Variants in RALYL observed in about 807,000 individuals in gnomAD.
The protein encoded by RALYL is RNA-binding Raly-like protein.
RALYL carries 29 observed loss-of-function variants against 35.1 expected under a neutral mutation model. The ratio of observed to expected loss-of-function variants is 0.83; its 90% CI spans 0.61 to 1.13. The LOEUF (loss-of-function observed/expected upper bound fraction) is 1.13. Ranked by LOEUF, RALYL falls within the 50% of genes most tolerant of loss-of-function variation. RALYL has a pLI of 0.00. For missense variants in RALYL, 359 were observed against 360.4 expected, an observed-to-expected ratio of 1.00 and a Z score of 0.03; for synonymous variants, 120 against 127.6, an observed-to-expected ratio of 0.94 and a Z score of 0.40.
intron 1 of RALYL, among the ~76,000 whole-genome samples, chr8:84,404,906 C>T (rs112099155): frequency 0.034 from 5,155 of 152,074 alleles, 291 homozygotes; most frequent in African/African-American, 0.12. Flanking sequence ...ATCAACAGAC[C>T]ATACATTCTT....
At chr8:84,319,344 G>A (rs942931426) in intron 1 of RALYL, among the ~76,000 whole-genome samples, 6 of 152,192 alleles carry the variant, frequency 3.9e-5, no homozygotes, top group African/African-American at 1.4e-4. Flanking sequence ...ATTTTTCAAA[G>A]AAAAGTTTCA....
intron 2 of RALYL, among the ~76,000 whole-genome samples, chr8:84,712,778 T>C (rs1168293716): frequency 1.3e-5 from 2 of 151,970 alleles, no homozygotes; most frequent in Admixed American, 1.3e-4. Context: ...TTAATTTGTA[T>C]CTGTTGATAA....
At chr8:84,881,856 G>A (rs1003356642) in intron 7 of RALYL, among the ~76,000 whole-genome samples, 3 of 151,774 alleles carry the variant, frequency 2.0e-5, no homozygotes, top group African/African-American at 7.2e-5. Context: ...TATTCCCTTG[G>A]TATGTCAAAT....
At chr8:84,675,104 A>G (rs1833942476) in intron 2 of RALYL, among the ~76,000 whole-genome samples, 1 of 152,194 alleles carries the variant, frequency 6.6e-6, no homozygotes. Flanking sequence ...ACCCATAACA[A>G]ATAAGATTTA....
intron 1 of RALYL, among the ~76,000 whole-genome samples, chr8:84,210,677 G>A (rs960117959): frequency 1.3e-5 from 2 of 152,242 alleles, no homozygotes; most frequent in South Asian, 4.1e-4. Context: ...GTAAGGTCAC[G>A]AGCCACGGAA....
chr8:84,276,548 A>G (rs1835417162), intron 1 of RALYL, among the ~76,000 whole-genome samples: 1 of 152,212 alleles, frequency 6.6e-6, no homozygotes, highest in Non-Finnish European at 1.5e-5. Context: ...AGCAAAGTTG[A>G]AAATAGGAGA....
intron 2 of RALYL, among the ~76,000 whole-genome samples, chr8:84,576,093 T>C (rs1465883179): frequency 2.0e-5 from 3 of 151,960 alleles, no homozygotes; most frequent in African/African-American, 7.3e-5. Context: ...AAAAGGAGAG[T>C]GTCACATATT....
intron 2 of RALYL, among the ~76,000 whole-genome samples, chr8:84,718,958 A>T (rs1270229876): frequency 6.6e-6 from 1 of 152,072 alleles, no homozygotes; most frequent in South Asian, 2.1e-4. Flanking sequence ...TCATTCATAC[A>T]TTATGTTGTT....
chr8:84,265,023 G>A (rs1833022386), intron 1 of RALYL, among the ~76,000 whole-genome samples: 1 of 152,182 alleles, frequency 6.6e-6, no homozygotes. Context: ...TTCTAGATTA[G>A]GGGGAACTGC....
At chr8:84,827,271 A>AG (rs927538143) in intron 4 of RALYL, among the ~76,000 whole-genome samples, 14 of 152,292 alleles carry the variant, frequency 9.2e-5, no homozygotes, top group Admixed American at 2.0e-4. Context: ...TCAGAATACA[A>AG]GAAAATATCC....
chr8:84,462,976 A>G (rs1456282764), intron 1 of RALYL, among the ~76,000 whole-genome samples: 1 of 151,916 alleles, frequency 6.6e-6, no homozygotes, highest in Non-Finnish European at 1.5e-5. Flanking sequence ...CCATTTTTAA[A>G]CAGATATTAG....
intron 6 of RALYL, among the ~76,000 whole-genome samples, chr8:84,867,994 C>A (rs1839490862): frequency 6.6e-6 from 1 of 151,510 alleles, no homozygotes; most frequent in Non-Finnish European, 1.5e-5. Flanking sequence ...TACTATTTCT[C>A]TTTTTTTTGT....
chr8:84,860,025 G>A (rs1033229423), intron 5 of RALYL, among the ~76,000 whole-genome samples: 1 of 152,158 alleles, frequency 6.6e-6, no homozygotes, highest in African/African-American at 2.4e-5. Context: ...AATACAGTGA[G>A]CAAGTATGGC....
At chr8:84,503,498 G>A (rs117938818) in intron 1 of RALYL, among the ~76,000 whole-genome samples, 353 of 151,820 alleles carry the variant, frequency 2.3e-3, no homozygotes, top group Middle Eastern at 0.01. Flanking sequence ...ATTGTTAATA[G>A]ATAACATTGA....
intron 2 of RALYL, among the ~76,000 whole-genome samples, chr8:84,536,147 A>G (rs1010162743): frequency 2.6e-5 from 4 of 152,094 alleles, no homozygotes; most frequent in African/African-American, 9.7e-5. Context: ...CTGTCTCTTC[A>G]CATCTTTAAT....
chr8:84,600,494 A>G (rs1438689203), intron 2 of RALYL, among the ~76,000 whole-genome samples: 1 of 152,046 alleles, frequency 6.6e-6, no homozygotes, highest in Non-Finnish European at 1.5e-5. Flanking sequence ...GCCTGTGTAG[A>G]AAGGTCTGCA....
At chr8:84,543,406 G>T (rs376970079) in intron 2 of RALYL, among the ~76,000 whole-genome samples, 1 of 151,418 alleles carries the variant, frequency 6.6e-6, no homozygotes. Context: ...TAAAGTGGTG[G>T]TGTATCACTT....
At chr8:84,310,034 G>T (rs1842472661) in intron 1 of RALYL, among the ~76,000 whole-genome samples, 2 of 151,268 alleles carry the variant, frequency 1.3e-5, no homozygotes, top group African/African-American at 4.9e-5. Context: ...GCTGCTAAGT[G>T]TTTTCTTTTT....
chr8:84,416,992 T>A (rs1167387697), intron 1 of RALYL, among the ~76,000 whole-genome samples: 1 of 152,166 alleles, frequency 6.6e-6, no homozygotes, highest in Non-Finnish European at 1.5e-5. Flanking sequence ...TTCTTCCTTT[T>A]TTCCTTCCTT....
Sources: gnomAD v4.1 joint callset for allele counts (sites outside exome capture counted in the v4.1 genomes callset) on GRCh38, gnomAD v4.1.1 for gene constraint, MANE v1.5 for transcripts, NCBI Gene and HGNC (gene_info 2026-07-23, HGNC 2026-07-21) for gene names.